SAMMSON: variants seen among roughly 807,000 people sequenced by gnomAD.
The protein encoded by SAMMSON is long intergenic non-protein coding RNA 1212.
rs2067456078 is a variant in SAMMSON, at chr3:70,125,894, C to T, written n.507+54329C>T. On this transcript the variant is annotated intron_variant and non_coding_transcript_variant, in intron 4 of 9. Transcript: ENST00000642114. ...TCACTGCTGTCATCTTCTAATTCTT[C>T]ACTAGATAATTCCTCATCGTCTTCT... The T allele has an allele frequency of 5.8e-6, 4 of 693,540 alleles. No individual in the cohort carries two copies. In the South Asian group the frequency reaches 6.0e-5, roughly 10 times the overall value. The allele number at this position is 693,540 out of a possible 1,614,324, so 43.0% of individuals were successfully genotyped here.
At chr3:70,286,049 G>A (rs1388682670) in intron 6 of SAMMSON, among the ~76,000 whole-genome samples, 1 of 152,022 alleles carries the variant, frequency 6.6e-6, no homozygotes, top group Non-Finnish European at 1.5e-5. Context: ...CTGTGCAGAA[G>A]CTCTTTAGTT....
At chr3:70,087,850 TATAA>T (rs895162989) in intron 4 of SAMMSON, among the ~76,000 whole-genome samples, 2 of 152,158 alleles carry the variant, frequency 1.3e-5, no homozygotes, top group African/African-American at 4.8e-5. Context: ...TATAAATAAA[TATAA>T]ATAAATAAGC....
At chr3:70,391,977 TCTA>T (rs1701052689), downstream of SAMMSON, among the ~76,000 whole-genome samples, 1 of 152,162 alleles carries the variant, frequency 6.6e-6, no homozygotes, top group Admixed American at 6.6e-5. Flanking sequence ...TCACGAGAAC[TCTA>T]CTATCTGTTT....
rs545431055 is a variant in SAMMSON at position 70,149,660 on chromosome 3, C to T, written n.507+78095C>T. Among the ~76,000 whole-genome samples, 8 of 152,120 alleles carry T rather than the reference C, an allele frequency of 5.3e-5. No homozygotes were observed. In the East Asian group the frequency reaches 7.7e-4, roughly 15 times the overall value. ...AACTTTGCTTCTGATTTATTTCAAG[C>T]GGGGCTCTGGACAAGCTGCCAGAGG... On this transcript the variant is annotated intron_variant and non_coding_transcript_variant, in intron 4 of 9. Transcript: ENST00000642114.
intron 4 of SAMMSON, among the ~76,000 whole-genome samples, chr3:70,083,156 A>G (rs1424487247): frequency 6.6e-6 from 1 of 152,174 alleles, no homozygotes; most frequent in Non-Finnish European, 1.5e-5. Context: ...CAGAAGCAAA[A>G]GCACTCACTT....
chr3:70,160,337 A>G (rs2067609818), intron 4 of SAMMSON, among the ~76,000 whole-genome samples: 1 of 151,652 alleles, frequency 6.6e-6, no homozygotes, highest in African/African-American at 2.4e-5. Flanking sequence ...TGAGGTAAGG[A>G]TTTCCTTCCT....
chr3:70,255,362 T>C (rs1225879788), intron 6 of SAMMSON, among the ~76,000 whole-genome samples: 1 of 152,198 alleles, frequency 6.6e-6, no homozygotes, highest in Non-Finnish European at 1.5e-5. Flanking sequence ...GGCTTGGCTG[T>C]TCTTGACATT....
chr3:70,218,789 A>G (rs1398808290), intron 4 of SAMMSON, among the ~76,000 whole-genome samples: 2 of 152,178 alleles, frequency 1.3e-5, no homozygotes, highest in Non-Finnish European at 2.9e-5. Flanking sequence ...TTGGTAACCC[A>G]TACTCAAGTG....
chr3:70,137,657 G>A (rs1420830757), intron 4 of SAMMSON: 1 of 152,128 alleles, frequency 6.6e-6, no homozygotes, highest in Non-Finnish European at 1.5e-5. Flanking sequence ...ATGCAAACCA[G>A]AAGTGTAATT....
At chr3:70,050,427 A>G (rs1231205941) in intron 3 of SAMMSON, among the ~76,000 whole-genome samples, 1 of 152,148 alleles carries the variant, frequency 6.6e-6, no homozygotes, top group Non-Finnish European at 1.5e-5. Context: ...ACCGAAGGCT[A>G]TAGGGACAAG....
At chr3:70,092,149 G>A (rs138044377) in intron 4 of SAMMSON, among the ~76,000 whole-genome samples, 3 of 152,186 alleles carry the variant, frequency 2.0e-5, no homozygotes, top group South Asian at 2.1e-4. Context: ...GCCTGTATGC[G>A]AAGTGATACT....
At chr3:70,348,478 CAG>C (rs150383912) in intron 7 of SAMMSON, among the ~76,000 whole-genome samples, 79 of 148,254 alleles carry the variant, frequency 5.3e-4, no homozygotes, top group Admixed American at 6.0e-4. Context: ...CCTTACATGG[CAG>C]AGAGAGAGAG....
intron 7 of SAMMSON, among the ~76,000 whole-genome samples, chr3:70,317,198 G>A (rs1226341917): frequency 1.3e-5 from 2 of 151,910 alleles, no homozygotes; most frequent in Non-Finnish European, 2.9e-5. Flanking sequence ...TTGTAAGTGT[G>A]TGTATATATA....
chr3:70,425,451 G>A (rs529195739), intron 2 of SAMMSON, among the ~76,000 whole-genome samples: 68 of 151,022 alleles, frequency 4.5e-4, no homozygotes, highest in South Asian at 3.4e-3. Context: ...TCACTCTGTC[G>A]CCCAGGCTGG....
chr3:70,228,038 A>G (rs1701525255), intron 4 of SAMMSON, among the ~76,000 whole-genome samples: 1 of 151,634 alleles, frequency 6.6e-6, no homozygotes, highest in South Asian at 2.1e-4. Flanking sequence ...CAATATAAAT[A>G]ATATCCAACA....
chr3:70,352,200 C>T (rs1239981860), intron 7 of SAMMSON, among the ~76,000 whole-genome samples: 1 of 151,076 alleles, frequency 6.6e-6, no homozygotes, highest in Non-Finnish European at 1.5e-5. Flanking sequence ...TCCCAAGAGA[C>T]CTCATAGCCA....
At chr3:70,408,388 T>A (rs1701193196) in intron 2 of SAMMSON, among the ~76,000 whole-genome samples, 1 of 152,240 alleles carries the variant, frequency 6.6e-6, no homozygotes, top group African/African-American at 2.4e-5. Flanking sequence ...TATGCTCTGC[T>A]TTCCTTATAA....
In SAMMSON at chr3:70,177,648, C is replaced by T. The variant is rs141121091; in HGVS notation, n.508-71459C>T. ...ACTAAAATTTATTGAGAATTTACCT[C>T]GCACTGGACAATATGCTAATTGCTT... On this transcript the variant is annotated intron_variant and non_coding_transcript_variant, in intron 4 of 9. Coordinates refer to ENST00000642114, the Ensembl canonical transcript of SAMMSON. Among the ~76,000 whole-genome samples the T allele has an allele frequency of 6.1e-4, 93 of 152,268 alleles. 1 individual carries two copies. Among genetic ancestry groups the T allele is most frequent in the Middle Eastern group, 3.4e-3 (1 of 294 alleles).
At chr3:70,002,804 T>C (rs915536478) in intron 1 of SAMMSON, among the ~76,000 whole-genome samples, 2 of 152,192 alleles carry the variant, frequency 1.3e-5, no homozygotes, top group East Asian at 3.8e-4. Flanking sequence ...ACATTTTACA[T>C]GTGCCTGTGA....
Sources: allele counts gnomAD v4.1 joint callset (sites outside exome capture counted in the v4.1 genomes callset), GRCh38; gene constraint gnomAD v4.1.1; transcripts MANE v1.5; gene names NCBI Gene and HGNC (gene_info 2026-07-23, HGNC 2026-07-21).